CDH12: variants seen among roughly 807,000 people sequenced by gnomAD.
CDH12 encodes the protein cadherin 12, also known as cadherin-12.
In CDH12, 41 loss-of-function variants were observed where a neutral mutation model predicts 74.1. That is an observed-to-expected ratio of 0.55 (90% CI 0.43 to 0.72). The LOEUF is 0.72. Among genes scored for constraint, CDH12 ranks in the 30% least tolerant of loss-of-function variants. The pLI, the probability that CDH12 is intolerant of heterozygous loss-of-function variation, is 0.00. For synonymous variants in CDH12, 399 were observed against 355.0 expected (o/e 1.12, Z -1.39); for missense variants, 945 against 977.2 (o/e 0.97, Z 0.44).
At chr5:22,093,823 A>G (rs1411334503) in intron 4 of CDH12, among the ~76,000 whole-genome samples, 1 of 152,216 alleles carries the variant, frequency 6.6e-6, no homozygotes, top group Non-Finnish European at 1.5e-5. Context: ...GATAGACTTC[A>G]GACTCAAGAT....
At chr5:21,965,167 G>C (rs554580857) in intron 6 of CDH12, among the ~76,000 whole-genome samples, 5 of 152,070 alleles carry the variant, frequency 3.3e-5, no homozygotes, top group Admixed American at 1.3e-4. Flanking sequence ...TATTTTTAAA[G>C]AGTTTGGGGA....
At chr5:22,668,909 C>T (rs1033084381) in intron 1 of CDH12, among the ~76,000 whole-genome samples, 5 of 151,790 alleles carry the variant, frequency 3.3e-5, no homozygotes, top group African/African-American at 1.2e-4. Context: ...CTCTCTTGGT[C>T]TCTCTCTTCT....
At chr5:22,418,641 T>G (rs2126490204) in intron 2 of CDH12, among the ~76,000 whole-genome samples, 1 of 152,232 alleles carries the variant, frequency 6.6e-6, no homozygotes, top group East Asian at 1.9e-4. Context: ...CCCAGCATTT[T>G]GGGAGGCCAA....
At chr5:22,291,466 G>C (rs755596459) in intron 3 of CDH12, among the ~76,000 whole-genome samples, 3 of 152,088 alleles carry the variant, frequency 2.0e-5, no homozygotes, top group Non-Finnish European at 2.9e-5. Flanking sequence ...GAAAACTAAA[G>C]ACTCCACTAA....
At chr5:22,448,959 C>A (rs952714414) in intron 2 of CDH12, among the ~76,000 whole-genome samples, 1 of 151,714 alleles carries the variant, frequency 6.6e-6, no homozygotes, top group Non-Finnish European at 1.5e-5. Context: ...TCCTTATCCA[C>A]CTTAAATGTC....
intron 10 of CDH12, among the ~76,000 whole-genome samples, chr5:21,794,961 C>G (rs1198925244): frequency 6.6e-6 from 1 of 151,200 alleles, no homozygotes; most frequent in Non-Finnish European, 1.5e-5. Flanking sequence ...GGCATGCTTT[C>G]TGAGAAAGTA....
At chr5:21,976,316 A>C (rs1330094527) in intron 5 of CDH12, among the ~76,000 whole-genome samples, 6 of 152,152 alleles carry the variant, frequency 3.9e-5, no homozygotes, top group African/African-American at 1.4e-4. Flanking sequence ...GCGATAAGGA[A>C]GAGAACTAAA....
At chr5:22,145,854 G>T (rs1218295350) in intron 4 of CDH12, among the ~76,000 whole-genome samples, 1 of 152,064 alleles carries the variant, frequency 6.6e-6, no homozygotes, top group Non-Finnish European at 1.5e-5. Context: ...TCTAAGTATT[G>T]AGATGAGAAT....
intron 2 of CDH12, among the ~76,000 whole-genome samples, chr5:22,416,042 T>C (rs992675424): frequency 2.1e-5 from 3 of 142,276 alleles, no homozygotes; most frequent in Non-Finnish European, 4.6e-5. Flanking sequence ...ATAAAACAAG[T>C]GTAATGTACT....
chr5:22,359,903 C>A (rs1170726929), intron 3 of CDH12, among the ~76,000 whole-genome samples: 3 of 151,924 alleles, frequency 2.0e-5, no homozygotes, highest in Admixed American at 2.0e-4. Flanking sequence ...ATACAACATA[C>A]CAGAATCTAT....
chr5:22,732,467 TATATACACACAC>T (rs61414056), intron 1 of CDH12, among the ~76,000 whole-genome samples: 68,214 of 139,628 alleles, frequency 0.49, 15,530 homozygotes, highest in East Asian at 0.56. Context: ...TATATATATA[TATATACACACAC>T]ACACACACAC....
chr5:22,525,622 G>A (rs1737235886), intron 1 of CDH12, among the ~76,000 whole-genome samples: 1 of 152,124 alleles, frequency 6.6e-6, no homozygotes, highest in African/African-American at 2.4e-5. Flanking sequence ...TAACTGGAAT[G>A]TAACTCCCCA....
intron 4 of CDH12, among the ~76,000 whole-genome samples, chr5:22,186,392 T>G (rs1428530453): frequency 6.6e-6 from 1 of 152,226 alleles, no homozygotes; most frequent in African/African-American, 2.4e-5. Context: ...TGATTGTAGA[T>G]TAACCAGTGA....
chr5:22,113,137 T>G (rs1744908440), intron 4 of CDH12, among the ~76,000 whole-genome samples: 1 of 152,134 alleles, frequency 6.6e-6, no homozygotes, highest in South Asian at 2.1e-4. Context: ...CTGACTTACT[T>G]TACAATCTTA....
chr5:22,491,055 A>T (rs1746841707), intron 2 of CDH12, among the ~76,000 whole-genome samples: 1 of 152,166 alleles, frequency 6.6e-6, no homozygotes, highest in African/African-American at 2.4e-5. Flanking sequence ...ATATTGCACG[A>T]CACTGATGTT....
intron 1 of CDH12, among the ~76,000 whole-genome samples, chr5:22,846,921 T>C (rs186976321): frequency 6.8e-6 from 1 of 146,252 alleles, no homozygotes; most frequent in Admixed American, 7.1e-5. Context: ...AATGTTGAGA[T>C]TTGAGTATAT....
At chr5:22,121,495 C>G (rs1211457230) in intron 4 of CDH12, among the ~76,000 whole-genome samples, 1 of 152,148 alleles carries the variant, frequency 6.6e-6, no homozygotes. Flanking sequence ...GAAAGTCTTA[C>G]GTCTGATTCG....
intron 3 of CDH12, among the ~76,000 whole-genome samples, chr5:22,400,582 C>T (rs1020145134): frequency 6.6e-6 from 1 of 151,932 alleles, no homozygotes; most frequent in African/African-American, 2.4e-5. Flanking sequence ...AGATGTGAAC[C>T]ACCATGCCTG....
At chr5:22,309,471 G>A (rs1288301256) in intron 3 of CDH12, among the ~76,000 whole-genome samples, 2 of 152,048 alleles carry the variant, frequency 1.3e-5, no homozygotes, top group African/African-American at 4.8e-5. Context: ...TATTTTTATT[G>A]TATAAATTAA....
Sources: gnomAD v4.1 joint callset for allele counts (sites outside exome capture counted in the v4.1 genomes callset) on GRCh38, gnomAD v4.1.1 for gene constraint, MANE v1.5 for transcripts, NCBI Gene and HGNC (gene_info 2026-07-23, HGNC 2026-07-21) for gene names.